The following MBD5 variants were observed in gnomAD, a reference collection of about 807,000 sequenced individuals.
The protein encoded by MBD5 is methyl-CpG-binding domain protein 5.
A neutral mutation model predicts 117.3 loss-of-function variants in MBD5; 13 were observed. That is an observed-to-expected ratio of 0.11 (90% CI 0.07 to 0.18). The LOEUF (loss-of-function observed/expected upper bound fraction) is 0.18, where lower values mean the gene tolerates loss of function less well. MBD5 is among the 10% of genes least tolerant of loss of function. The pLI, the probability that MBD5 is intolerant of heterozygous loss-of-function variation, is 1.00. For missense variants in MBD5, 1,879 were observed against 2,093.8 expected (o/e 0.90, Z 2.00); for synonymous variants, 727 against 766.4 (o/e 0.95, Z 0.85).
intron 1 of MBD5, among the ~76,000 whole-genome samples, chr2:148,087,904 A>T (rs1209347199): frequency 6.6e-6 from 1 of 152,210 alleles, no homozygotes; most frequent in Non-Finnish European, 1.5e-5. Context: ...CAGAAGGTTG[A>T]CTATTAAGCT....
intron 1 of MBD5, chr2:148,028,018 T>C (rs1197956828): frequency 2.6e-5 from 4 of 152,092 alleles, no homozygotes; most frequent in African/African-American, 7.2e-5. Flanking sequence ...TGTCAGAAGC[T>C]GGAATGACTC....
At chr2:148,080,306 A>G (rs1216535276) in intron 1 of MBD5, among the ~76,000 whole-genome samples, 1 of 152,196 alleles carries the variant, frequency 6.6e-6, no homozygotes. Context: ...ATGGAAATTC[A>G]TTATATTTCA....
At chr2:148,368,378 G>A (rs568313115) in intron 4 of MBD5, among the ~76,000 whole-genome samples, 14 of 151,952 alleles carry the variant, frequency 9.2e-5, no homozygotes, top group Non-Finnish European at 1.8e-4. Context: ...TAATGTAGAT[G>A]ATGGGTTGAT....
At chr2:148,255,128 C>T (rs996315960) in intron 3 of MBD5, among the ~76,000 whole-genome samples, 2 of 152,216 alleles carry the variant, frequency 1.3e-5, no homozygotes, top group Non-Finnish European at 2.9e-5. Flanking sequence ...AGCATGTTAA[C>T]CTACGGTCAA....
intron 4 of MBD5, among the ~76,000 whole-genome samples, chr2:148,357,403 A>G (rs1308858913): frequency 2.6e-5 from 4 of 151,378 alleles, no homozygotes; most frequent in Non-Finnish European, 5.9e-5. Flanking sequence ...CTCTTCAGAC[A>G]TTCATTTTTG....
Position 148,483,645 on chromosome 2 carries a change from G to A in MBD5, c.3054G>A (p.Gln1018=), listed in dbSNP as rs1211321831. Residue 1018 remains glutamine (Q), a synonymous_variant, in exon 9 of 14, where the codon CAG becomes CAA. Transcript: ENST00000642680. ...TGACCATCTCAGATCTTTTGCAACA[G>A]CAAAATACCCCTTTACCCTCATTAA... is the stretch of plus-strand genomic sequence containing the variant. ...FNLTISDLLQ[Q]QNTPLPSLTQ... 2.6e-6 allele frequency: 4 copies of A among 1,551,086 alleles called. No individual in the cohort carries two copies. Among genetic ancestry groups the A allele is most frequent in the Middle Eastern group, 1.7e-4 (1 of 5,998 alleles).
At chr2:148,141,618 A>G (rs1000370130) in intron 1 of MBD5, among the ~76,000 whole-genome samples, 1 of 152,064 alleles carries the variant, frequency 6.6e-6, no homozygotes, top group African/African-American at 2.4e-5. Flanking sequence ...TTGAAATACA[A>G]AATATGATAA....
intron 8 of MBD5, among the ~76,000 whole-genome samples, chr2:148,473,177 G>A (rs1001855443): frequency 2.0e-5 from 3 of 152,058 alleles, no homozygotes; most frequent in African/African-American, 7.2e-5. Flanking sequence ...AGTTATTTTT[G>A]CCAATATTAT....
intron 3 of MBD5, among the ~76,000 whole-genome samples, chr2:148,316,956 G>C (rs1429900859): frequency 6.6e-6 from 1 of 152,182 alleles, no homozygotes; most frequent in Non-Finnish European, 1.5e-5. Context: ...TGGGACTAAA[G>C]TTACACATCT....
intron 2 of MBD5, among the ~76,000 whole-genome samples, chr2:148,188,987 A>C (rs1027649303): frequency 6.7e-6 from 1 of 150,268 alleles, no homozygotes; most frequent in Non-Finnish European, 1.5e-5. Flanking sequence ...AGTCAAAGAA[A>C]GGGGTGACGG....
chr2:148,021,573 C>A lies in MBD5; in HGVS notation c.-1036C>A. 1.9e-6 allele frequency: 1 copy of A among 532,064 alleles called. No homozygotes were observed. The highest frequency in any genetic ancestry group is 3.6e-6 in the Non-Finnish European group (1 of 275,214). 33.0% of individuals were successfully genotyped at this position (532,064 alleles called of 1,614,324 possible). A position where few individuals can be genotyped will look rare whatever the true frequency, so the allele number is the denominator to read the frequency against. ...CTACACCCAGGAGCAGCCACTTCCC[C>A]AGCTCTCCTCCTCCTCCTTCGCCTC... On this transcript the variant is annotated 5_prime_UTR_variant, in exon 1 of 14. Coordinates refer to ENST00000642680, the MANE Select transcript of MBD5 (RefSeq NM_001378120.1).
Position 148,125,840 on chromosome 2 carries a change from T to C in MBD5, c.-924-52860T>C, listed in dbSNP as rs189531760. On this transcript the variant is annotated intron_variant, in intron 1 of 13. Transcript: ENST00000642680. ...CAATAAATATTGAAAGAATGAATAA[T>C]GCTATAAAATGTTTTGTTTCTAAAT... 1.8e-4 allele frequency among the ~76,000 whole-genome samples: 28 copies of C among 152,320 alleles called. No homozygotes were observed. The East Asian group carries it at 4.6e-3, about 25-fold the overall frequency.
chr2:148,088,231 G>T (rs1053762557), intron 1 of MBD5, among the ~76,000 whole-genome samples: 1 of 151,952 alleles, frequency 6.6e-6, no homozygotes, highest in African/African-American at 2.4e-5. Context: ...TCAAACTTAA[G>T]AATAATTGTT....
chr2:148,300,332 C>T (rs1701753169), intron 3 of MBD5, among the ~76,000 whole-genome samples: 1 of 152,176 alleles, frequency 6.6e-6, no homozygotes, highest in African/African-American at 2.4e-5. Flanking sequence ...GGATTACAGA[C>T]ATGAGCCATT....
chr2:148,259,191 C>T (rs748120140), intron 3 of MBD5, among the ~76,000 whole-genome samples: 1 of 152,304 alleles, frequency 6.6e-6, no homozygotes, highest in Middle Eastern at 3.4e-3. Flanking sequence ...CCCATAGCCA[C>T]TCAATCAGGG....
intron 2 of MBD5, among the ~76,000 whole-genome samples, chr2:148,228,719 G>T (rs1198435123): frequency 6.6e-6 from 1 of 152,154 alleles, no homozygotes; most frequent in Non-Finnish European, 1.5e-5. Context: ...GTAGAATTCG[G>T]CTGTGAATCC....
intron 1 of MBD5, among the ~76,000 whole-genome samples, chr2:148,168,427 A>C (rs1416979162): frequency 1.3e-5 from 2 of 152,208 alleles, no homozygotes; most frequent in African/African-American, 2.4e-5. Flanking sequence ...GGTAGTCATA[A>C]TGAGAAAAAG....
At chr2:148,150,710 A>T (rs1474327151) in intron 1 of MBD5, among the ~76,000 whole-genome samples, 1 of 152,108 alleles carries the variant, frequency 6.6e-6, no homozygotes, top group African/African-American at 2.4e-5. Flanking sequence ...GCAATTGTGA[A>T]TGGGAGTTCC....
chr2:148,194,778 T>TA (rs10545114), intron 2 of MBD5, among the ~76,000 whole-genome samples: 57 of 129,878 alleles, frequency 4.4e-4, no homozygotes, highest in Middle Eastern at 4.1e-3. Flanking sequence ...AAAAAAAAAT[T>TA]AAAAAAAAAA....
Sources: allele counts gnomAD v4.1 joint callset (sites outside exome capture counted in the v4.1 genomes callset), GRCh38; gene constraint gnomAD v4.1.1; transcripts MANE v1.5; gene names NCBI Gene and HGNC (gene_info 2026-07-23, HGNC 2026-07-21).